Variants in LCP1 observed in about 807,000 individuals in gnomAD.
The protein encoded by LCP1 is plastin-2.
LCP1 carries 23 observed loss-of-function variants against 72.0 expected under a neutral mutation model. The observed-to-expected ratio is 0.32, with a 90% CI of 0.23 to 0.45. The LOEUF (loss-of-function observed/expected upper bound fraction) is 0.45, where lower values mean the gene tolerates loss of function less well. Ranked by LOEUF, LCP1 falls within the 20% of genes least tolerant of loss-of-function variation. LCP1 has a pLI of 1.00. For synonymous variants in LCP1, 245 were observed against 275.4 expected (o/e 0.89, Z 1.09); for missense variants, 571 against 748.3 (o/e 0.76, Z 2.76).
chr13:46,146,938 T>A lies in LCP1; in HGVS notation c.1144A>T (p.Asn382Tyr), dbSNP rs2138241119. 6.2e-7 allele frequency: 1 copy of A among 1,614,176 alleles called. No homozygotes were observed. The highest frequency in any genetic ancestry group is 1.6e-4 in the Middle Eastern group (1 of 6,062). The change falls in exon 10 of 16, where the codon AAC becomes TAC. Residue 382 changes from asparagine (N) to tyrosine (Y), a missense_variant. By Grantham distance (143) the Asn-to-Tyr change is moderately radical. Coordinates refer to ENST00000323076, the MANE Select transcript of LCP1 (RefSeq NM_002298.5). ...AGAGCCCCCCAGTCAATGTCCTGGT[T>A]CTCTGGTTTGTGCAGGGCAGGGTAT... Reference protein sequence around the residue: ...NRYPALHKPENQDIDWGALEG... With the variant: ...NRYPALHKPEYQDIDWGALEG...
intron 5 of LCP1, 47 bp from the exon 6 acceptor site, chr13:46,154,933 A>G: frequency 7.1e-7 from 1 of 1,411,498 alleles, no homozygotes; most frequent in Non-Finnish European, 1.0e-6. Context: ...TCTGAATAAC[A>G]GAGCCCAGTA....
At position 46,138,512 on chromosome 13, in the gene LCP1, G is replaced by C. The variant is rs1257283459; in HGVS notation, c.1502+3780C>G. Among the ~76,000 whole-genome samples, 3 of 152,184 alleles carry C rather than the reference G, an allele frequency of 2.0e-5. No individual in the cohort carries two copies. The South Asian group carries it at 6.2e-4, about 31-fold the overall frequency. On this transcript the variant is annotated intron_variant, in intron 13 of 15. Transcript: ENST00000323076. Reference sequence around the variant, plus strand: ...ACCAGGTGGAGACAGCAACAGCAGAGTGGACCTTGTTGTGTATGTGCCAGC... The same window carrying C: ...ACCAGGTGGAGACAGCAACAGCAGACTGGACCTTGTTGTGTATGTGCCAGC...
intron 1 of LCP1, among the ~76,000 whole-genome samples, chr13:46,179,750 C>T (rs982567636): frequency 3.8e-5 from 5 of 132,440 alleles, no homozygotes; most frequent in African/African-American, 5.8e-5. Flanking sequence ...TTAGCAGTGG[C>T]GGGGGAGGGG....
chr13:46,141,160 C>A (rs1338607531), intron 13 of LCP1, among the ~76,000 whole-genome samples: 1 of 152,190 alleles, frequency 6.6e-6, no homozygotes, highest in East Asian at 1.9e-4. Flanking sequence ...GTAATCCCAG[C>A]AGTTTGGGAG....
chr13:46,138,724 G>A (rs2045679970), intron 13 of LCP1, among the ~76,000 whole-genome samples: 1 of 152,166 alleles, frequency 6.6e-6, no homozygotes, highest in Admixed American at 6.5e-5. Flanking sequence ...TTGGCTCACT[G>A]CAACCTCTGC....
intron 14 of LCP1, among the ~76,000 whole-genome samples, chr13:46,131,628 G>A (rs771834608): frequency 2.0e-5 from 3 of 152,116 alleles, no homozygotes; most frequent in Non-Finnish European, 4.4e-5. Flanking sequence ...CAATGAACTA[G>A]ATAGAGAAAA....
rs151156678 is a variant in LCP1, at chr13:46,127,445, G to T, written c.*146C>A. 6.3e-3 allele frequency: 5,841 copies of T among 922,774 alleles called. 29 individuals carry two copies. Among genetic ancestry groups the T allele is most frequent in the Middle Eastern group, 0.013 (37 of 2,892 alleles). 57.2% of individuals were successfully genotyped at this position (922,774 alleles called of 1,614,324 possible). A position where few individuals can be genotyped will look rare whatever the true frequency, so the allele number is the denominator to read the frequency against. ...GCACTTTTTGTTAAATACAGGAGAGGCTACTTGGCTGCACTAATATGTGCT... is the reference window on the plus strand; with the variant it reads ...GCACTTTTTGTTAAATACAGGAGAGTCTACTTGGCTGCACTAATATGTGCT... On this transcript the variant is annotated 3_prime_UTR_variant, in exon 16 of 16. Coordinates refer to ENST00000323076, the MANE Select transcript of LCP1 (RefSeq NM_002298.5).
chr13:46,155,801 G>A (rs2045797833), intron 5 of LCP1, among the ~76,000 whole-genome samples: 1 of 152,208 alleles, frequency 6.6e-6, no homozygotes, highest in African/African-American at 2.4e-5. Context: ...CAATGTTTGA[G>A]TTGTGGATTT....
At chr13:46,134,328 AT>A (rs1226356742) in intron 13 of LCP1, 78 bp from the exon 14 acceptor site, 218 of 1,444,780 alleles carry the variant, frequency 1.5e-4, no homozygotes, top group Admixed American at 2.5e-4. Context: ...TAAGGATGGA[AT>A]TTTTTTTTCG....
rs1460465131 is a variant in LCP1, at chr13:46,142,532, C to T, written c.1369-107G>A. 13 of 1,213,318 alleles carry T rather than the reference C, an allele frequency of 1.1e-5. No homozygotes were observed. In the Admixed American group the frequency reaches 1.3e-4, roughly 13 times the overall value. 75.2% of individuals were successfully genotyped at this position (1,213,318 alleles called of 1,614,324 possible). On this transcript the variant is annotated intron_variant, in intron 12 of 15. Coordinates refer to ENST00000323076, the MANE Select transcript of LCP1 (RefSeq NM_002298.5). ...AAAAATGAAATAAATATGGTAAGAC[C>T]GAATGACCTCTCAAGTCTCAACTGG...
intron 13 of LCP1, among the ~76,000 whole-genome samples, chr13:46,135,360 C>A (rs1241283576): frequency 6.6e-6 from 1 of 152,144 alleles, no homozygotes; most frequent in Non-Finnish European, 1.5e-5. Context: ...GTGACTGAAT[C>A]TCATCTGACC....
chr13:46,160,927 T>G (rs1044744602), intron 1 of LCP1, among the ~76,000 whole-genome samples: 22 of 152,326 alleles, frequency 1.4e-4, no homozygotes, highest in African/African-American at 5.3e-4. Context: ...TTTTTTATAT[T>G]TTCATATTAT....
intron 13 of LCP1, among the ~76,000 whole-genome samples, chr13:46,135,437 G>T (rs1047137585): frequency 4.6e-5 from 7 of 152,042 alleles, no homozygotes; most frequent in African/African-American, 1.7e-4. Flanking sequence ...TAATCCATCG[G>T]GTATCTTCCT....
intron 13 of LCP1, among the ~76,000 whole-genome samples, chr13:46,140,672 T>C (rs561145193): frequency 2.0e-5 from 3 of 152,116 alleles, no homozygotes; most frequent in African/African-American, 7.2e-5. Context: ...AAGATAAAAA[T>C]AAATTAGTAG....
intron 12 of LCP1, 36 bp downstream of exon 12, chr13:46,143,254 C>G: frequency 6.9e-7 from 1 of 1,443,612 alleles, no homozygotes; most frequent in Non-Finnish European, 9.7e-7. Flanking sequence ...TATGACTTTG[C>G]CTGTCTCCTG....
Position 46,160,945 on chromosome 13 carries a change from T to C in LCP1, c.-24-1259A>G, listed in dbSNP as rs1246710879. Among the ~76,000 whole-genome samples the C allele has an allele frequency of 3.9e-5, 6 of 152,182 alleles. No homozygotes were observed. The South Asian group carries it at 1.0e-3, about 26-fold the overall frequency. On this transcript the variant is annotated intron_variant, in intron 1 of 15. Coordinates refer to ENST00000323076, the MANE Select transcript of LCP1 (RefSeq NM_002298.5). ...TTTATATTTTCATATTATTCTATAG[T>C]GCTGTATTTGTTCTTGATGGCCACC...
At chr13:46,180,777 G>A (rs1419882409) in intron 1 of LCP1, among the ~76,000 whole-genome samples, 1 of 152,148 alleles carries the variant, frequency 6.6e-6, no homozygotes, top group Non-Finnish European at 1.5e-5. Flanking sequence ...GAAAAATACT[G>A]ACATTCCTTC....
chr13:46,148,725 G>T, intron 8 of LCP1: 1 of 625,184 alleles, frequency 1.6e-6, no homozygotes, highest in Non-Finnish European at 2.1e-6. Flanking sequence ...TGTCTTTAGG[G>T]GAGAAAAACA....
intron 6 of LCP1, among the ~76,000 whole-genome samples, chr13:46,154,297 A>G (rs1158389409): frequency 6.6e-6 from 1 of 152,220 alleles, no homozygotes; most frequent in Non-Finnish European, 1.5e-5. Context: ...AATTATGATA[A>G]TGTTAAAATA....
Sources: allele counts gnomAD v4.1 joint callset (sites outside exome capture counted in the v4.1 genomes callset), GRCh38; gene constraint gnomAD v4.1.1; transcripts MANE v1.5; gene names NCBI Gene and HGNC (gene_info 2026-07-23, HGNC 2026-07-21).